The following PXDNL variants were observed in gnomAD, a reference collection of about 807,000 sequenced individuals.
PXDNL encodes peroxidasin like.
A neutral mutation model predicts 150.8 loss-of-function variants in PXDNL; 145 were observed. The observed-to-expected ratio is 0.96, with a 90% CI of 0.84 to 1.10. The LOEUF (loss-of-function observed/expected upper bound fraction) is 1.10. Ranked by LOEUF, PXDNL falls within the 50% of genes least tolerant of loss-of-function variation. The pLI is 0.00. For missense variants in PXDNL, 2,087 were observed against 1,873.9 expected (o/e 1.11, Z -2.10); for synonymous variants, 757 against 725.7 (o/e 1.04, Z -0.69).
At chr8:51,571,114 GA>G (rs1297580187) in intron 3 of PXDNL, among the ~76,000 whole-genome samples, 1 of 150,604 alleles carries the variant, frequency 6.6e-6, no homozygotes, top group Non-Finnish European at 1.5e-5. Flanking sequence ...AAAATTGTCA[GA>G]TAAGCCAATG....
chr8:51,337,314 A>G (rs1206714002), intron 21 of PXDNL, among the ~76,000 whole-genome samples: 1 of 152,230 alleles, frequency 6.6e-6, no homozygotes, highest in Non-Finnish European at 1.5e-5. Context: ...GTGTCTGTAA[A>G]TCCATAAATT....
chr8:51,709,020 C>T (rs10113123), intron 1 of PXDNL, among the ~76,000 whole-genome samples: 8,003 of 151,934 alleles, frequency 0.053, 619 homozygotes, highest in African/African-American at 0.17. Context: ...AGAAGACGAG[C>T]AGACTGCTAA....
intron 2 of PXDNL, among the ~76,000 whole-genome samples, chr8:51,603,610 G>A (rs11990982): frequency 0.12 from 18,334 of 151,948 alleles, 1,262 homozygotes; most frequent in African/African-American, 0.18. Flanking sequence ...CCATTTCTAA[G>A]GTGAATGTGG....
At chr8:51,682,397 T>C (rs1424789739) in intron 1 of PXDNL, among the ~76,000 whole-genome samples, 1 of 152,134 alleles carries the variant, frequency 6.6e-6, no homozygotes, top group African/African-American at 2.4e-5. Flanking sequence ...TTTTGCCTCA[T>C]CTCCTCCTGC....
chr8:51,666,697 A>T (rs1815394691), intron 1 of PXDNL, among the ~76,000 whole-genome samples: 1 of 151,760 alleles, frequency 6.6e-6, no homozygotes, highest in Non-Finnish European at 1.5e-5. Context: ...ATTCTTTCTG[A>T]CCCTACACAT....
At chr8:51,649,339 A>G (rs1293430769) in intron 2 of PXDNL, among the ~76,000 whole-genome samples, 2 of 152,188 alleles carry the variant, frequency 1.3e-5, no homozygotes, top group African/African-American at 4.8e-5. Context: ...ACGTGTTATG[A>G]GACTTGAAAC....
In PXDNL at chr8:51,763,819, C is replaced by T. The variant is rs550228908; in HGVS notation, c.164+45362G>A. On this transcript the variant is annotated intron_variant, in intron 1 of 22. Coordinates refer to ENST00000356297, the MANE Select transcript of PXDNL (RefSeq NM_144651.5). ...ATCCATGTTGTAGCATGAATTAATA[C>T]GTACTACTTTTTATTGCCAAATCAT... Among the ~76,000 whole-genome samples, 42 of 152,252 alleles carry T rather than the reference C, an allele frequency of 2.8e-4. 1 individual carries two copies. In the South Asian group the frequency reaches 7.3e-3, roughly 26 times the overall value.
At position 51,744,738 on chromosome 8, in the gene PXDNL, AAGAG is replaced by A. The variant is rs1352438327; in HGVS notation, c.164+64439_164+64442del. ...AGAAAAGAGAAAAAGAAAAGAAAGA[AAGAG>A]AAAAGAAAAGAGAGAGAAAGAAGGA... is the stretch of plus-strand genomic sequence containing the variant. On this transcript the variant is annotated intron_variant, in intron 1 of 22. Coordinates refer to ENST00000356297, the MANE Select transcript of PXDNL (RefSeq NM_144651.5). 7.1e-3 allele frequency among the ~76,000 whole-genome samples: 450 copies of A among 63,476 alleles called. 6 individuals are homozygous for A. Among genetic ancestry groups the A allele is most frequent in the African/African-American group, 0.022 (425 of 19,760 alleles). The allele number at this position is 63,476 out of a possible 152,430, so 41.6% of individuals were successfully genotyped here.
intron 17 of PXDNL, among the ~76,000 whole-genome samples, 167 bp downstream of exon 17, chr8:51,407,900 C>T (rs1005075729): frequency 2.6e-5 from 4 of 152,076 alleles, no homozygotes; most frequent in Non-Finnish European, 4.4e-5. Context: ...AGGGGGATTT[C>T]GGTTTCTGGT....
At chr8:51,513,489 G>C (rs1243043338) in intron 4 of PXDNL, among the ~76,000 whole-genome samples, 3 of 152,194 alleles carry the variant, frequency 2.0e-5, no homozygotes, top group Admixed American at 6.5e-5. Context: ...CATTCTTTTT[G>C]TGACTTCAGA....
chr8:51,371,775 T>C (rs774020280), intron 19 of PXDNL, 98 bp downstream of exon 19: 41 of 1,108,804 alleles, frequency 3.7e-5, no homozygotes, highest in Non-Finnish European at 4.4e-5. Flanking sequence ...GCTTTTTGCG[T>C]ATCTTTCTTT....
chr8:51,731,292 C>A (rs1392441220), intron 1 of PXDNL, among the ~76,000 whole-genome samples: 1 of 152,220 alleles, frequency 6.6e-6, no homozygotes, highest in Non-Finnish European at 1.5e-5. Context: ...AGACCCCATG[C>A]AAGTCTGAAA....
chr8:51,505,719 G>A (rs866294406), intron 4 of PXDNL, among the ~76,000 whole-genome samples: 2 of 152,142 alleles, frequency 1.3e-5, no homozygotes, highest in Admixed American at 6.6e-5. Flanking sequence ...CAATACAGGG[G>A]ATCTTGAATA....
At chr8:51,524,082 G>A (rs1052776895) in intron 4 of PXDNL, among the ~76,000 whole-genome samples, 1 of 152,200 alleles carries the variant, frequency 6.6e-6, no homozygotes, top group Non-Finnish European at 1.5e-5. Context: ...CATACGATGG[G>A]CTTGTCCACA....
chr8:51,465,332 T>C (rs1280031285), intron 8 of PXDNL, among the ~76,000 whole-genome samples: 2 of 152,010 alleles, frequency 1.3e-5, no homozygotes, highest in South Asian at 2.1e-4. Context: ...TGGAGAAAGC[T>C]TTCTATAAAA....
chr8:51,640,432 C>G (rs1814722719), intron 2 of PXDNL, among the ~76,000 whole-genome samples: 1 of 152,188 alleles, frequency 6.6e-6, no homozygotes, highest in Non-Finnish European at 1.5e-5. Context: ...TTGCAGATGA[C>G]ATGATTGTAT....
intron 21 of PXDNL, among the ~76,000 whole-genome samples, chr8:51,322,574 G>A (rs930422167): frequency 6.6e-6 from 1 of 152,098 alleles, no homozygotes; most frequent in Non-Finnish European, 1.5e-5. Context: ...AAGGATCACT[G>A]GTGAGAAACT....
intron 1 of PXDNL, among the ~76,000 whole-genome samples, chr8:51,711,540 A>G (rs1816498612): frequency 6.6e-6 from 1 of 152,242 alleles, no homozygotes; most frequent in African/African-American, 2.4e-5. Context: ...AATACAGTTG[A>G]GAGTTTGTCA....
At chr8:51,680,608 GA>G (rs1001717171) in intron 1 of PXDNL, among the ~76,000 whole-genome samples, 1 of 152,006 alleles carries the variant, frequency 6.6e-6, no homozygotes, top group Non-Finnish European at 1.5e-5. Flanking sequence ...ATTGAGTGGG[GA>G]AAAAAACGCC....
Sources: gnomAD v4.1 joint callset for allele counts (sites outside exome capture counted in the v4.1 genomes callset) on GRCh38, gnomAD v4.1.1 for gene constraint, MANE v1.5 for transcripts, NCBI Gene and HGNC (gene_info 2026-07-23, HGNC 2026-07-21) for gene names.